QRICH1: variants seen among roughly 807,000 people sequenced by gnomAD.
QRICH1 encodes transcriptional regulator QRICH1.
Under a neutral mutation model 87.1 loss-of-function variants are expected in QRICH1, and 16 were observed. The observed-to-expected ratio is 0.18, with a 90% CI of 0.12 to 0.28. The LOEUF is 0.28. QRICH1 is among the 10% of genes least tolerant of loss of function. The pLI is 1.00. For synonymous variants in QRICH1, 367 were observed against 368.4 expected (o/e 1.00, Z 0.05); for missense variants, 647 against 951.7 (o/e 0.68, Z 4.21).
intron 3 of QRICH1, among the ~76,000 whole-genome samples, chr3:49,056,060 C>T (rs548137447): frequency 6.6e-6 from 1 of 152,296 alleles, no homozygotes; most frequent in Non-Finnish European, 1.5e-5. Flanking sequence ...ACTGCAACCT[C>T]TGCCTCCTGG....
At chr3:49,056,812 T>C (rs2093405008) in intron 3 of QRICH1, 50 bp downstream of exon 3, 1 of 1,613,642 alleles carries the variant, frequency 6.2e-7, no homozygotes, top group Admixed American at 1.7e-5. Context: ...TGTGCTGCAC[T>C]GGGCCCTGAG....
At chr3:49,078,556 A>C (rs989618658) in intron 1 of QRICH1, among the ~76,000 whole-genome samples, 2 of 149,680 alleles carry the variant, frequency 1.3e-5, no homozygotes, top group Non-Finnish European at 3.0e-5. Flanking sequence ...CACCACGCCC[A>C]GCTAATTTTT....
At chr3:49,040,270 G>A (rs1575327627) in intron 6 of QRICH1, among the ~76,000 whole-genome samples, 1 of 152,294 alleles carries the variant, frequency 6.6e-6, no homozygotes, top group East Asian at 1.9e-4. Context: ...GCCCTCCCTT[G>A]TAATACTCTT....
rs368725887 is a variant in QRICH1, at chr3:49,057,643, G to A, written c.557C>T (p.Pro186Leu). ...AAQQIQAAEI[P>L]EEHIPHQQIQ... ...TTGCTGATGTGGGATGTGCTCCTCC[G>A]GGATTTCTGCAGCCTGGATCTGCTG... Residue 186 changes from proline to leucine, a missense_variant, in exon 3 of 10, where the codon CCG becomes CTG. Transcript: ENST00000395443. The surrounding 1 kb of genome is among the most constrained non-coding windows in gnomAD (Gnocchi z 5.4). 7.4e-6 allele frequency: 12 copies of A among 1,614,074 alleles called. No individual in the cohort carries two copies. Among genetic ancestry groups the A allele is most frequent in the South Asian group, 2.2e-5 (2 of 91,080 alleles).
chr3:49,068,011 T>C (rs985544678), intron 2 of QRICH1, among the ~76,000 whole-genome samples: 1 of 151,940 alleles, frequency 6.6e-6, no homozygotes, highest in Non-Finnish European at 1.5e-5. Context: ...CATTCAGATA[T>C]AACAACTCTC....
At chr3:49,053,031 G>T (rs2093380158) in intron 3 of QRICH1, among the ~76,000 whole-genome samples, 1 of 152,166 alleles carries the variant, frequency 6.6e-6, no homozygotes, top group South Asian at 2.1e-4. Flanking sequence ...CATGGCAATG[G>T]AAAGAAATCC....
intron 6 of QRICH1, among the ~76,000 whole-genome samples, chr3:49,041,964 A>G (rs902580969): frequency 6.6e-5 from 10 of 151,090 alleles, no homozygotes; most frequent in Non-Finnish European, 2.9e-5. Context: ...AGTAGAGACA[A>G]CGTTTTATGT....
intron 2 of QRICH1, among the ~76,000 whole-genome samples, chr3:49,071,721 T>C (rs1270480749): frequency 6.6e-6 from 1 of 152,214 alleles, no homozygotes; most frequent in Non-Finnish European, 1.5e-5. Context: ...ACACCTTTCC[T>C]GTCCTTAGTG....
intron 6 of QRICH1, among the ~76,000 whole-genome samples, chr3:49,043,003 A>G (rs951576362): frequency 3.9e-5 from 6 of 152,158 alleles, no homozygotes; most frequent in African/African-American, 1.4e-4. Flanking sequence ...ACAACACAAT[A>G]ATATAGTTCA....
At chr3:49,074,596 AG>A (rs2106971153) in intron 2 of QRICH1, among the ~76,000 whole-genome samples, 1 of 151,364 alleles carries the variant, frequency 6.6e-6, no homozygotes, top group South Asian at 2.1e-4. Context: ...AAGAAAAGAA[AG>A]GAAGCCTCAG....
chr3:49,042,327 C>A (rs962976154), intron 6 of QRICH1, among the ~76,000 whole-genome samples: 1 of 151,582 alleles, frequency 6.6e-6, no homozygotes, highest in Non-Finnish European at 1.5e-5. Flanking sequence ...TCTCGATCTC[C>A]CGACCTTGTG....
chr3:49,077,973 T>C (rs923737083), intron 1 of QRICH1, among the ~76,000 whole-genome samples: 2 of 152,194 alleles, frequency 1.3e-5, no homozygotes, highest in Admixed American at 6.6e-5. Context: ...ACTCTCATCA[T>C]CTGAGGGAAA....
intron 2 of QRICH1, among the ~76,000 whole-genome samples, chr3:49,063,201 T>C (rs191269386): frequency 1.3e-5 from 2 of 152,302 alleles, no homozygotes; most frequent in East Asian, 3.9e-4. Context: ...GGTGTTCAAA[T>C]AAGTAGGTTT....
chr3:49,081,776 C>T (rs1332990357), intron 1 of QRICH1, among the ~76,000 whole-genome samples: 1 of 151,978 alleles, frequency 6.6e-6, no homozygotes, highest in Non-Finnish European at 1.5e-5. Flanking sequence ...GCTGGGATTA[C>T]AGGCGTGAGC....
Position 49,047,058 on chromosome 3 carries a change from A to G in QRICH1, c.1516+11T>C. ...TTTAGACACAGCCCACTCTTCTTCC[A>G]AGACACTCACTCCCAATGGGTGCCA... is the stretch of plus-strand genomic sequence containing the variant. On this transcript the variant is annotated intron_variant, in intron 4 of 9. Coordinates refer to ENST00000395443, the MANE Select transcript of QRICH1 (RefSeq NM_198880.3). The G allele has an allele frequency of 6.2e-7, 1 of 1,604,278 alleles. No homozygotes were observed. The highest frequency in any genetic ancestry group is 1.1e-5 in the South Asian group (1 of 90,558).
At chr3:49,063,171 A>G (rs1347980156) in intron 2 of QRICH1, among the ~76,000 whole-genome samples, 1 of 152,212 alleles carries the variant, frequency 6.6e-6, no homozygotes, top group Admixed American at 6.5e-5. Flanking sequence ...ACATAAAATA[A>G]TATTTAGTTA....
chr3:49,049,918 T>C lies in QRICH1; in HGVS notation c.1339-2672A>G, dbSNP rs535144451. Among the ~76,000 whole-genome samples the C allele has an allele frequency of 1.2e-4, 19 of 152,230 alleles. No individual in the cohort carries two copies. The East Asian group carries it at 2.3e-3, about 19-fold the overall frequency. ...GTCACCACATGTTCAAAGAATGTGC[T>C]TGAGCTGGGCGCGGTGGCTCACACA... On this transcript the variant is annotated intron_variant, in intron 3 of 9. Coordinates refer to ENST00000395443, the MANE Select transcript of QRICH1 (RefSeq NM_198880.3).
intron 9 of QRICH1, among the ~76,000 whole-genome samples, chr3:49,030,955 T>C (rs1575316541): frequency 6.6e-6 from 1 of 151,584 alleles, no homozygotes; most frequent in East Asian, 1.9e-4. Flanking sequence ...TGAAGCCAGC[T>C]TCACTGCTCA....
rs11425427 is a variant in QRICH1 at position 49,090,458 on chromosome 3, C to CAAAA, written c.-22+3450_-22+3453dup. Among the ~76,000 whole-genome samples, 5 of 96,106 alleles carry CAAAA rather than the reference C, an allele frequency of 5.2e-5. 1 individual carries two copies. The highest frequency in any genetic ancestry group is 2.8e-4 in the East Asian group (1 of 3,602). 63.0% of individuals were successfully genotyped at this position (96,106 alleles called of 152,430 possible). On this transcript the variant is annotated intron_variant, in intron 1 of 9. Transcript: ENST00000395443. ...TGGGCAGCAGAGCGAGACTACGTCTCAAAAAAAAAAAAAAAAAAAATTAGC... is the reference window on the plus strand; with the variant it reads ...TGGGCAGCAGAGCGAGACTACGTCTCAAAAAAAAAAAAAAAAAAAAAAAATTAGC...
Sources: gnomAD v4.1 joint callset for allele counts (sites outside exome capture counted in the v4.1 genomes callset) on GRCh38, gnomAD v4.1.1 for gene constraint, Gnocchi (gnomAD v3.1) non-coding constraint, MANE v1.5 for transcripts, NCBI Gene and HGNC (gene_info 2026-07-23, HGNC 2026-07-21) for gene names.